Variants in IRAK3 observed in about 807,000 individuals in gnomAD.
IRAK3 encodes the protein interleukin-1 receptor-associated kinase 3.
A neutral mutation model predicts 56.6 loss-of-function variants in IRAK3; 57 were observed. The ratio of observed to expected loss-of-function variants is 1.01; its 90% CI spans 0.81 to 1.26. The LOEUF is 1.26. IRAK3 is among the 50% of genes most tolerant of loss of function. IRAK3 has a pLI of 0.00. For missense variants in IRAK3, 703 were observed against 719.0 expected, an observed-to-expected ratio of 0.98 and a Z score of 0.25; for synonymous variants, 258 against 255.7, an observed-to-expected ratio of 1.01 and a Z score of -0.09.
chr12:66,199,132 T>C (rs552807268), intron 1 of IRAK3, among the ~76,000 whole-genome samples: 1 of 152,334 alleles, frequency 6.6e-6, no homozygotes, highest in South Asian at 2.1e-4. Flanking sequence ...AGAGTTCTCT[T>C]GTTGGAATGT....
intron 2 of IRAK3, among the ~76,000 whole-genome samples, chr12:66,204,480 G>A (rs978054341): frequency 7.2e-5 from 11 of 151,790 alleles, no homozygotes; most frequent in Non-Finnish European, 1.5e-4. Context: ...TCTATTTCTG[G>A]GTCTGTGTCA....
intron 1 of IRAK3, chr12:66,197,540 C>T: frequency 1.0e-6 from 1 of 985,092 alleles, no homozygotes; most frequent in Non-Finnish European, 1.2e-6. Context: ...ATTAAGGTTG[C>T]AGTGTGAATC....
chr12:66,208,540 C>G (rs912044132), intron 2 of IRAK3, among the ~76,000 whole-genome samples: 1 of 151,936 alleles, frequency 6.6e-6, no homozygotes, highest in African/African-American at 2.4e-5. Context: ...GCAGACAGAT[C>G]ACTTGAGCTC....
chr12:66,194,340 T>C (rs1028515141), intron 1 of IRAK3, among the ~76,000 whole-genome samples: 3 of 152,166 alleles, frequency 2.0e-5, no homozygotes, highest in African/African-American at 7.2e-5. Flanking sequence ...AAAAGGGCTA[T>C]TTATACTCCA....
At chr12:66,234,267 G>T (rs1417596940) in intron 8 of IRAK3, 4 of 1,613,270 alleles carry the variant, frequency 2.5e-6, no homozygotes, top group Non-Finnish European at 3.4e-6. Flanking sequence ...TGACTCATCT[G>T]CTGGGCCAGA....
chr12:66,228,700 A>G (rs1490066468), intron 8 of IRAK3, among the ~76,000 whole-genome samples: 1 of 152,234 alleles, frequency 6.6e-6, no homozygotes. Flanking sequence ...AATGGCACAA[A>G]AGTGATATGT....
intron 1 of IRAK3, chr12:66,197,616 T>C: frequency 1.0e-6 from 1 of 985,448 alleles, no homozygotes; most frequent in Non-Finnish European, 1.2e-6. Flanking sequence ...ATGCAGGCAG[T>C]ATTCATTTTA....
intron 1 of IRAK3, among the ~76,000 whole-genome samples, chr12:66,191,433 T>G (rs2052398609): frequency 6.6e-6 from 1 of 152,236 alleles, no homozygotes; most frequent in Non-Finnish European, 1.5e-5. Context: ...GACTGGTTGA[T>G]GTACATTGCC....
chr12:66,218,595 G>A (rs935786872), intron 6 of IRAK3, among the ~76,000 whole-genome samples: 1 of 152,136 alleles, frequency 6.6e-6, no homozygotes, highest in South Asian at 2.1e-4. Context: ...TCGCCAATCT[G>A]ATAGGTGAAA....
Position 66,217,190 on chromosome 12 carries a change from A to G in IRAK3, c.608A>G (p.Lys203Arg), listed in dbSNP as rs139342884. 4.0e-4 allele frequency: 638 copies of G among 1,610,714 alleles called. No individual in the cohort carries two copies. Among genetic ancestry groups the G allele is most frequent in the Non-Finnish European group, 5.1e-4 (596 of 1,176,978 alleles). ...LFKQEKKMQC[K>R]KHWKRFLSEL... ...ATGTAGGAGAAAAAAATGCAGTGTA[A>G]GAAGCATTGGAAGAGGTTTTTATCT... The change falls in exon 6 of 12, where the codon AAG becomes AGG. Residue 203 changes from lysine to arginine, a missense_variant. Physicochemically the swap from Lys to Arg is conservative, Grantham distance 26 (BLOSUM62 2). Coordinates refer to ENST00000261233, the MANE Select transcript of IRAK3 (RefSeq NM_007199.3).
At chr12:66,197,117 C>A in intron 1 of IRAK3, 2 of 1,305,156 alleles carry the variant, frequency 1.5e-6, no homozygotes, top group South Asian at 2.4e-5. Flanking sequence ...CTTAGGTTGA[C>A]TTTTTGGCTT....
chr12:66,238,151 G>A (rs892154008), intron 8 of IRAK3, among the ~76,000 whole-genome samples: 6 of 152,128 alleles, frequency 3.9e-5, no homozygotes, highest in Non-Finnish European at 7.4e-5. Context: ...GCAGGGGAGA[G>A]TATTTTCAAG....
intron 1 of IRAK3, among the ~76,000 whole-genome samples, chr12:66,201,352 G>A (rs2136917448): frequency 6.6e-6 from 1 of 152,244 alleles, no homozygotes; most frequent in East Asian, 1.9e-4. Flanking sequence ...GGTGTGTCAG[G>A]GGTCCCCCGT....
rs190338424 is a variant in IRAK3, at chr12:66,195,663, T to A, written c.133+6231T>A. Among the ~76,000 whole-genome samples, 19 of 152,328 alleles carry A rather than the reference T, an allele frequency of 1.2e-4. No homozygotes were observed. The East Asian group carries it at 3.1e-3, about 25-fold the overall frequency. ...ACCTACTCTGACCACTCTTTTGTTTTGTTTTGTTTTTTTAAGACGGAGTTT... is the reference window on the plus strand; with the variant it reads ...ACCTACTCTGACCACTCTTTTGTTTAGTTTTGTTTTTTTAAGACGGAGTTT... On this transcript the variant is annotated intron_variant, in intron 1 of 11. Coordinates refer to ENST00000261233, the MANE Select transcript of IRAK3 (RefSeq NM_007199.3).
At chr12:66,214,809 T>C (rs1418242797) in intron 5 of IRAK3, among the ~76,000 whole-genome samples, 1 of 152,204 alleles carries the variant, frequency 6.6e-6, no homozygotes, top group Non-Finnish European at 1.5e-5. Flanking sequence ...GTGGTTCACA[T>C]GTGTAGCCAC....
rs545833899 is a variant in IRAK3 at position 66,253,179 on chromosome 12, G to A, written c.*5008G>A. 3.9e-5 allele frequency: 6 copies of A among 152,270 alleles called. No individual in the cohort carries two copies. In the East Asian group the frequency reaches 5.8e-4, roughly 15 times the overall value. 9.4% of individuals were successfully genotyped at this position (152,270 alleles called of 1,614,324 possible). A position where few individuals can be genotyped will look rare whatever the true frequency, so the allele number is the denominator to read the frequency against. On this transcript the variant is annotated 3_prime_UTR_variant, in exon 12 of 12. Transcript: ENST00000261233. Reference sequence around the variant, plus strand: ...CAAGATTGTCATCTAGATTGCACCCGAAGTTTATCTTTCTAGTATTCAGAA... The same window carrying A: ...CAAGATTGTCATCTAGATTGCACCCAAAGTTTATCTTTCTAGTATTCAGAA...
rs149506405 is a variant in IRAK3 at position 66,232,797 on chromosome 12, T to C, written c.887+4427T>C. Reference sequence around the variant, plus strand: ...TTCTAGGAGGGATGCAGTTTTATTGTACGGCTTTGATAATTGGCTGAGAAA... The same window carrying C: ...TTCTAGGAGGGATGCAGTTTTATTGCACGGCTTTGATAATTGGCTGAGAAA... On this transcript the variant is annotated intron_variant, in intron 8 of 11. Coordinates refer to ENST00000261233, the MANE Select transcript of IRAK3 (RefSeq NM_007199.3). 5.5e-4 allele frequency among the ~76,000 whole-genome samples: 84 copies of C among 152,332 alleles called. 1 individual carries two copies. Among genetic ancestry groups the C allele is most frequent in the African/African-American group, 1.9e-3 (80 of 41,588 alleles).
In IRAK3 at chr12:66,247,727, C is replaced by T. The variant is rs11465987; in HGVS notation, c.1347C>T (p.Ser449=). ...ATACTCTTGAAAGTACTCAAGCCAG[C>T]TTGTATTTTGCTGAAGATCCTCCCA... The part of the protein sequence containing the change: ...VLNTLESTQA[S]LYFAEDPPTS... Residue 449 remains serine, a synonymous_variant, in exon 12 of 12, where the codon AGC becomes AGT. Coordinates refer to ENST00000261233, the MANE Select transcript of IRAK3 (RefSeq NM_007199.3). 135 of 1,613,856 alleles carry T rather than the reference C, an allele frequency of 8.4e-5. No homozygotes were observed. The African/African-American group carries it at 1.2e-3, about 14-fold the overall frequency.
At chr12:66,222,170 G>A (rs1313139305) in intron 6 of IRAK3, among the ~76,000 whole-genome samples, 1 of 152,170 alleles carries the variant, frequency 6.6e-6, no homozygotes, top group African/African-American at 2.4e-5. Flanking sequence ...TTTGATATGA[G>A]GGTAATGCTG....
Sources: gnomAD v4.1 joint callset for allele counts (sites outside exome capture counted in the v4.1 genomes callset) on GRCh38, gnomAD v4.1.1 for gene constraint, MANE v1.5 for transcripts, NCBI Gene and HGNC (gene_info 2026-07-23, HGNC 2026-07-21) for gene names.